RIPOR3: variants seen among roughly 807,000 people sequenced by gnomAD.
The protein encoded by RIPOR3 is RIPOR family member 3.
RIPOR3 carries 95 observed loss-of-function variants against 114.3 expected under a neutral mutation model. The observed-to-expected ratio is 0.83, with a 90% CI of 0.70 to 0.99. The LOEUF is 0.99. Among genes scored for constraint, RIPOR3 ranks in the 50% least tolerant of loss-of-function variants. RIPOR3 has a pLI of 0.00. For synonymous variants in RIPOR3, 575 were observed against 543.8 expected (o/e 1.06, Z -0.80); for missense variants, 1,252 against 1,266.9 (o/e 0.99, Z 0.18).
chr20:50,659,647 CAA>C (rs558386174), intron 1 of RIPOR3, among the ~76,000 whole-genome samples: 44 of 78,114 alleles, frequency 5.6e-4, no homozygotes, highest in African/African-American at 9.4e-4. Flanking sequence ...AACTCCGTCT[CAA>C]AAAAAAAAAA....
chr20:50,631,708 G>C (rs964784357), intron 1 of RIPOR3, among the ~76,000 whole-genome samples: 1 of 152,172 alleles, frequency 6.6e-6, no homozygotes, highest in African/African-American at 2.4e-5. Context: ...CCCAGTCTCC[G>C]ACCCGCCCTG....
At position 50,616,038 on chromosome 20, in the gene RIPOR3, A is replaced by G. The variant is rs1026374035; in HGVS notation, c.312T>C (p.Ser104=). Reference sequence around the variant, plus strand: ...TCCTCCTGGTGTCTTTGTGGCGTCCAGACAGGTGGTCCAGCTCAGCCTGCT... The same window carrying G: ...TCCTCCTGGTGTCTTTGTGGCGTCCGGACAGGTGGTCCAGCTCAGCCTGCT... The part of the protein sequence containing the change: ...CVQQAELDHL[S]GRHKDTRRNS... Residue 104 remains serine (S), a synonymous_variant, in exon 4 of 22, where the codon TCT becomes TCC. Transcript: ENST00000327979. 1.8e-5 allele frequency: 29 copies of G among 1,611,644 alleles called. No individual in the cohort carries two copies. The highest frequency in any genetic ancestry group is 2.7e-5 in the African/African-American group (2 of 74,908).
chr20:50,674,268 A>T (rs558263075), intron 1 of RIPOR3, among the ~76,000 whole-genome samples: 5 of 152,242 alleles, frequency 3.3e-5, no homozygotes, highest in African/African-American at 1.2e-4. Context: ...GAGAGAAAAG[A>T]GTCCCAACCC....
Position 50,602,786 on chromosome 20 carries a change from C to A in RIPOR3, c.1087-142G>T, listed in dbSNP as rs2083553430. ...GAGGCCTGCCGAGGTGACCAGCATC[C>A]CAGAGGTGCAGAAAAAACCCTGTCC... On this transcript the variant is annotated intron_variant, in intron 12 of 21. Transcript: ENST00000327979. This position sits in a 1 kb window ranked among gnomAD's most constrained non-coding sequence, Gnocchi z 4.3. 7.5e-6 allele frequency: 4 copies of A among 536,562 alleles called. No individual in the cohort carries two copies. The highest frequency in any genetic ancestry group is 4.1e-5 in the Admixed American group (1 of 24,452). The allele number at this position is 536,562 out of a possible 1,614,324, so 33.2% of individuals were successfully genotyped here.
chr20:50,594,151 C>T (rs937557459), intron 17 of RIPOR3, among the ~76,000 whole-genome samples: 1 of 152,014 alleles, frequency 6.6e-6, no homozygotes. Flanking sequence ...TGGTGCACAC[C>T]TGTAATCCCA....
At chr20:50,666,181 C>CCTTTTCTTTTCTTTTCCTTTT (rs1600720832) in intron 1 of RIPOR3, among the ~76,000 whole-genome samples, 1 of 14,926 alleles carries the variant, frequency 6.7e-5, no homozygotes, top group East Asian at 0.01. Context: ...GAAAGGACAC[C>CCTTTTCTTTTCTTTTCCTTTT]CATTTCTTTT....
At chr20:50,594,762 A>C in intron 16 of RIPOR3, 48 bp from the exon 17 acceptor site, 3 of 1,575,926 alleles carry the variant, frequency 1.9e-6, no homozygotes, top group Non-Finnish European at 2.6e-6. Flanking sequence ...GGGAGAGCAC[A>C]TGACAAGGAC....
chr20:50,588,442 C>CTA (rs2082994253), intron 20 of RIPOR3, among the ~76,000 whole-genome samples: 1 of 152,248 alleles, frequency 6.6e-6, no homozygotes, highest in African/African-American at 2.4e-5. Context: ...TATCTTTCAT[C>CTA]TAGCAATTGT....
intron 13 of RIPOR3, among the ~76,000 whole-genome samples, chr20:50,601,331 C>T (rs1046725523): frequency 2.0e-5 from 3 of 152,030 alleles, no homozygotes; most frequent in South Asian, 4.2e-4. Context: ...CTACTCGGGA[C>T]GCTGAGGCAG....
chr20:50,590,211 C>T (rs755963626), intron 19 of RIPOR3, among the ~76,000 whole-genome samples: 29 of 152,352 alleles, frequency 1.9e-4, no homozygotes, highest in Admixed American at 2.6e-4. Flanking sequence ...TGTCCAATCC[C>T]AGCGGTGACC....
intron 1 of RIPOR3, among the ~76,000 whole-genome samples, chr20:50,676,201 G>A (rs1301911024): frequency 6.6e-6 from 1 of 152,202 alleles, no homozygotes; most frequent in Non-Finnish European, 1.5e-5. Context: ...GTCTCACCCC[G>A]ACGGGCTGCT....
Position 50,679,235 on chromosome 20 carries a change from AAAATATATAAAATGAGGGTG to A in RIPOR3, c.3+11871_3+11890del, listed in dbSNP as rs2086781961. On this transcript the variant is annotated intron_variant, in intron 1 of 21. Coordinates refer to ENST00000327979, the MANE Select transcript of RIPOR3 (RefSeq NM_001290268.2). ...TCAAAAAATATATATATAATATTTA[AAAATATATAAAATGAGGGTG>A]CCACTTGGTTGAGTTTATGGTTAAA... Among the ~76,000 whole-genome samples, 8 of 146,706 alleles carry A rather than the reference AAAATATATAAAATGAGGGTG, an allele frequency of 5.5e-5. 1 individual carries two copies. Among genetic ancestry groups the A allele is most frequent in the African/African-American group, 2.0e-4 (8 of 40,416 alleles).
chr20:50,669,594 C>T (rs1406839038), intron 1 of RIPOR3, among the ~76,000 whole-genome samples: 2 of 152,182 alleles, frequency 1.3e-5, no homozygotes, highest in African/African-American at 4.8e-5. Context: ...CACTGACCCT[C>T]TGGGGGCTTG....
intron 1 of RIPOR3, among the ~76,000 whole-genome samples, chr20:50,638,807 C>T (rs1371671566): frequency 6.6e-6 from 1 of 152,104 alleles, no homozygotes; most frequent in African/African-American, 2.4e-5. Context: ...GCTGTAGGAG[C>T]AGTGATAAGG....
At chr20:50,679,176 AGAT>A (rs2086778722) in intron 1 of RIPOR3, among the ~76,000 whole-genome samples, 1 of 137,006 alleles carries the variant, frequency 7.3e-6, no homozygotes, top group South Asian at 2.4e-4. Context: ...AGAGAGAGAG[AGAT>A]ACACATATAA....
chr20:50,620,913 T>C, intron 2 of RIPOR3: 2 of 583,758 alleles, frequency 3.4e-6, no homozygotes, highest in East Asian at 3.9e-5. Flanking sequence ...GGCTTTGCCC[T>C]GTACAAGCAG....
intron 2 of RIPOR3, among the ~76,000 whole-genome samples, chr20:50,627,000 G>A (rs145915252): frequency 0.015 from 2,024 of 138,392 alleles, 65 homozygotes; most frequent in African/African-American, 0.057. Flanking sequence ...GGCAACAAGA[G>A]CAAAAGTCCG....
intron 13 of RIPOR3, among the ~76,000 whole-genome samples, chr20:50,599,259 G>A (rs1370760384): frequency 1.3e-5 from 2 of 152,222 alleles, no homozygotes; most frequent in Non-Finnish European, 2.9e-5. Flanking sequence ...GGGCATGATG[G>A]TACGTGCCTG....
chr20:50,673,642 G>A (rs779360675), intron 1 of RIPOR3, among the ~76,000 whole-genome samples: 1 of 152,118 alleles, frequency 6.6e-6, no homozygotes, highest in Non-Finnish European at 1.5e-5. Context: ...ATTACTCCAC[G>A]TCCAAGACAC....
Sources: gnomAD v4.1 joint callset for allele counts (sites outside exome capture counted in the v4.1 genomes callset) on GRCh38, gnomAD v4.1.1 for gene constraint, Gnocchi (gnomAD v3.1) non-coding constraint, MANE v1.5 for transcripts, NCBI Gene and HGNC (gene_info 2026-07-23, HGNC 2026-07-21) for gene names.